NIPBL: variants seen among roughly 807,000 people sequenced by gnomAD.
NIPBL encodes the protein nipped-B-like protein.
A neutral mutation model predicts 321.8 loss-of-function variants in NIPBL; 19 were observed. That is an observed-to-expected ratio of 0.06 (90% CI 0.04 to 0.09). The LOEUF (loss-of-function observed/expected upper bound fraction) is 0.09. NIPBL is among the 10% of genes least tolerant of loss of function. The pLI is 1.00. For missense variants in NIPBL, 2,210 were observed against 3,327.0 expected, an observed-to-expected ratio of 0.66 and a Z score of 8.26; for synonymous variants, 1,106 against 1,114.1, an observed-to-expected ratio of 0.99 and a Z score of 0.14.
Position 37,064,902 on chromosome 5 carries a change from A to G in NIPBL, c.*10A>G. On this transcript the variant is annotated 3_prime_UTR_variant, in exon 47 of 47. Coordinates refer to ENST00000282516, the MANE Select transcript of NIPBL (RefSeq NM_133433.4). ...TGGGACTTCCAGCTAATGAATTTGT[A>G]CATGCAGCCAAATTTACAGGAATTT... 1 of 1,614,130 alleles carries G rather than the reference A, an allele frequency of 6.2e-7. No individual in the cohort carries two copies. The highest frequency in any genetic ancestry group is 8.5e-7 in the Non-Finnish European group (1 of 1,180,004).
In NIPBL at chr5:36,985,019, G is replaced by A; in HGVS notation, c.1839G>A (p.Met613Ile). The change falls in exon 10 of 47, where the codon ATG becomes ATA. Residue 613 changes from methionine to isoleucine, a missense_variant. Met to Ile is a conservative substitution (Grantham distance 10). Transcript: ENST00000282516. ...KSDPELSKSE[M>I]KQSESRLAES... is the part of the protein sequence containing the mutation. ...ATCCTGAGCTTTCAAAGAGTGAAATGAAACAAAGTGAAAGTAGATTAGCAG... is the reference window on the plus strand; with the variant it reads ...ATCCTGAGCTTTCAAAGAGTGAAATAAAACAAAGTGAAAGTAGATTAGCAG... 1 of 1,613,864 alleles carries A rather than the reference G, an allele frequency of 6.2e-7. No homozygotes were observed. Among genetic ancestry groups the A allele is most frequent in the African/African-American group, 1.3e-5 (1 of 75,032 alleles).
intron 1 of NIPBL, among the ~76,000 whole-genome samples, chr5:36,916,536 A>G (rs1748473055): frequency 6.6e-6 from 1 of 152,162 alleles, no homozygotes. Context: ...GTTCTAGGGT[A>G]CATGTGCACA....
intron 1 of NIPBL, among the ~76,000 whole-genome samples, chr5:36,896,123 G>C (rs1746715584): frequency 6.6e-6 from 1 of 152,100 alleles, no homozygotes; most frequent in African/African-American, 2.4e-5. Context: ...TATGAGGTAG[G>C]GATCCAACTT....
intron 11 of NIPBL, among the ~76,000 whole-genome samples, chr5:36,997,773 A>C (rs1746307323): frequency 6.6e-6 from 1 of 152,204 alleles, no homozygotes; most frequent in African/African-American, 2.4e-5. Flanking sequence ...TCACATAAAC[A>C]ACCAAATGGT....
At chr5:36,886,824 A>G (rs1171328509) in intron 1 of NIPBL, among the ~76,000 whole-genome samples, 1 of 151,418 alleles carries the variant, frequency 6.6e-6, no homozygotes, top group Non-Finnish European at 1.5e-5. Flanking sequence ...TTCTGTCTCT[A>G]TAGTTTTTCC....
intron 1 of NIPBL, among the ~76,000 whole-genome samples, chr5:36,890,061 A>T (rs1395679215): frequency 6.6e-6 from 1 of 152,146 alleles, no homozygotes; most frequent in African/African-American, 2.4e-5. Flanking sequence ...CTATAAATTT[A>T]TTCCTCTTTT....
At chr5:36,938,400 G>T (rs1281979130) in intron 1 of NIPBL, among the ~76,000 whole-genome samples, 12 of 152,092 alleles carry the variant, frequency 7.9e-5, no homozygotes, top group Non-Finnish European at 1.8e-4. Context: ...AGGAAAGAGT[G>T]TGATTATTTA....
At chr5:37,000,281 A>AT (rs148595336) in intron 11 of NIPBL, 92 bp from the exon 12 acceptor site, 37 of 1,269,704 alleles carry the variant, frequency 2.9e-5, no homozygotes, top group Non-Finnish European at 3.9e-5. Context: ...TGGAATGAAG[A>AT]TTTTTTTCCC....
At chr5:36,926,138 G>C (rs938436261) in intron 1 of NIPBL, among the ~76,000 whole-genome samples, 3 of 152,096 alleles carry the variant, frequency 2.0e-5, no homozygotes, top group Admixed American at 6.5e-5. Flanking sequence ...TTTGAACACT[G>C]TAAATGTACC....
intron 40 of NIPBL, 64 bp downstream of exon 40, chr5:37,049,365 T>G (rs1356301596): frequency 6.6e-7 from 1 of 1,516,424 alleles, no homozygotes. Context: ...TTTGATACAT[T>G]GTGATTATAG....
At chr5:36,898,970 A>G (rs1746998655) in intron 1 of NIPBL, among the ~76,000 whole-genome samples, 1 of 151,948 alleles carries the variant, frequency 6.6e-6, no homozygotes, top group South Asian at 2.1e-4. Flanking sequence ...ATTAAATAAG[A>G]TTTAAAGTAG....
chr5:36,877,017 G>C lies in NIPBL; in HGVS notation c.-241G>C. The C allele has an allele frequency of 2.7e-6, 1 of 375,488 alleles. No individual in the cohort carries two copies. The highest frequency in any genetic ancestry group is 4.7e-6 in the Non-Finnish European group (1 of 211,088). The allele number at this position is 375,488 out of a possible 1,614,324, so 23.3% of individuals were successfully genotyped here. A position where few individuals can be genotyped will look rare whatever the true frequency, so the allele number is the denominator to read the frequency against. On this transcript the variant is annotated 5_prime_UTR_variant, in exon 1 of 47. Transcript: ENST00000282516. ...GAAGGAGGAGGAGGAGGAAGAAGAA[G>C]CAACGATTTGTCTTCTCGGCTGGTC...
intron 20 of NIPBL, among the ~76,000 whole-genome samples, chr5:37,009,012 T>C (rs959961151): frequency 3.3e-5 from 5 of 152,148 alleles, no homozygotes; most frequent in African/African-American, 9.7e-5. Flanking sequence ...TCTAGTGGAA[T>C]ACAGCATGCT....
chr5:36,984,933 A>G lies in NIPBL; in HGVS notation c.1753A>G (p.Ile585Val). 1 of 1,613,810 alleles carries G rather than the reference A, an allele frequency of 6.2e-7. No homozygotes were observed. The highest frequency in any genetic ancestry group is 8.5e-7 in the Non-Finnish European group (1 of 1,179,908). The change falls in exon 10 of 47, where the codon ATT (isoleucine) becomes GTT (valine). Residue 585 changes from isoleucine to valine, a missense_variant. Coordinates refer to ENST00000282516, the MANE Select transcript of NIPBL (RefSeq NM_133433.4). The stretch of plus-strand genomic sequence containing the variant: ...ACCTGTTTCTGTTCTTCAGGAAGAT[A>G]TTGTTGGAAGTCTTAAATCTACACC... ...DAPVSVLQED[I>V]VGSLKSTPEN...
chr5:36,995,346 G>T, intron 10 of NIPBL: 1 of 272,938 alleles, frequency 3.7e-6, no homozygotes, highest in South Asian at 6.3e-5. Context: ...GCAAATTGAA[G>T]GCATTATATC....
intron 6 of NIPBL, among the ~76,000 whole-genome samples, chr5:36,964,220 A>G (rs1177674461): frequency 2.0e-5 from 3 of 152,148 alleles, no homozygotes; most frequent in African/African-American, 4.8e-5. Context: ...AATCCCTATC[A>G]AAATACCAAT....
rs980858108 is a variant in NIPBL, at chr5:37,051,678, G to A, written c.6955-101G>A. On this transcript the variant is annotated intron_variant, in intron 40 of 46. Transcript: ENST00000282516. ...TAGACTTTATAGGAAGGCCTATAAGGTTAAATTCATATATCTCAGATATAT... is the reference window on the plus strand; with the variant it reads ...TAGACTTTATAGGAAGGCCTATAAGATTAAATTCATATATCTCAGATATAT... 1.5e-5 allele frequency: 12 copies of A among 781,446 alleles called. No individual in the cohort carries two copies. In the East Asian group the frequency reaches 1.6e-4, roughly 10 times the overall value. 48.4% of individuals were successfully genotyped at this position (781,446 alleles called of 1,614,324 possible). A position where few individuals can be genotyped will look rare whatever the true frequency, so the allele number is the denominator to read the frequency against.
At chr5:36,913,648 C>T (rs1205437477) in intron 1 of NIPBL, among the ~76,000 whole-genome samples, 1 of 152,170 alleles carries the variant, frequency 6.6e-6, no homozygotes, top group Non-Finnish European at 1.5e-5. Flanking sequence ...GCTGGAATTT[C>T]AGGTGTGAGC....
At chr5:37,021,478 C>G (rs892661543) in intron 27 of NIPBL, among the ~76,000 whole-genome samples, 1 of 152,068 alleles carries the variant, frequency 6.6e-6, no homozygotes, top group African/African-American at 2.4e-5. Flanking sequence ...GTCAGGAGAT[C>G]AAGACCGTCC....
Sources: allele counts gnomAD v4.1 joint callset (sites outside exome capture counted in the v4.1 genomes callset), GRCh38; gene constraint gnomAD v4.1.1; transcripts MANE v1.5; gene names NCBI Gene and HGNC (gene_info 2026-07-23, HGNC 2026-07-21).